Variants in MAN1A1 observed in about 807,000 individuals in gnomAD.
The protein encoded by MAN1A1 is mannosyl-oligosaccharide 1,2-alpha-mannosidase IA.
Under a neutral mutation model 70.8 loss-of-function variants are expected in MAN1A1, and 29 were observed. The observed-to-expected ratio is 0.41, with a 90% confidence interval of 0.31 to 0.56. The LOEUF (loss-of-function observed/expected upper bound fraction) is 0.56, where lower values mean the gene tolerates loss of function less well. Among genes scored for constraint, MAN1A1 ranks in the 20% least tolerant of loss-of-function variants. The pLI is 0.29. For missense variants in MAN1A1, 747 were observed against 841.3 expected, an observed-to-expected ratio of 0.89 and a Z score of 1.39; for synonymous variants, 349 against 330.1, an observed-to-expected ratio of 1.06 and a Z score of -0.62.
At chr6:119,303,571 C>A (rs1461676228) in intron 3 of MAN1A1, among the ~76,000 whole-genome samples, 1 of 152,170 alleles carries the variant, frequency 6.6e-6, no homozygotes, top group Non-Finnish European at 1.5e-5. Flanking sequence ...CTATGCACTC[C>A]TTCACCCCAT....
At chr6:119,205,952 G>A (rs760523281) in intron 6 of MAN1A1, among the ~76,000 whole-genome samples, 1 of 152,214 alleles carries the variant, frequency 6.6e-6, no homozygotes, top group Non-Finnish European at 1.5e-5. Flanking sequence ...AATCACACAT[G>A]ATGAATGCCG....
chr6:119,240,724 G>A lies in MAN1A1; in HGVS notation c.992+7536C>T, dbSNP rs144668920. ...ATCCTTTGTTCAGACTTCCTTGTCCGTAATGTCTCCATAAAGGTGGCTATA... is the reference window on the plus strand; with the variant it reads ...ATCCTTTGTTCAGACTTCCTTGTCCATAATGTCTCCATAAAGGTGGCTATA... On this transcript the variant is annotated intron_variant, in intron 6 of 12. Transcript: ENST00000368468. Among the ~76,000 whole-genome samples, 535 of 152,296 alleles carry A rather than the reference G, an allele frequency of 3.5e-3. 3 individuals carry two copies. The highest frequency in any genetic ancestry group is 0.012 in the African/African-American group (509 of 41,564).
intron 3 of MAN1A1, among the ~76,000 whole-genome samples, chr6:119,306,258 G>C (rs995731084): frequency 6.6e-6 from 1 of 152,164 alleles, no homozygotes; most frequent in African/African-American, 2.4e-5. Flanking sequence ...GGGCAGCTCT[G>C]TGACCCAAAG....
chr6:119,334,099 A>G (rs1773390229), intron 2 of MAN1A1, among the ~76,000 whole-genome samples: 1 of 152,200 alleles, frequency 6.6e-6, no homozygotes, highest in Non-Finnish European at 1.5e-5. Flanking sequence ...TTCAATTTAT[A>G]AAATTACAAT....
At chr6:119,240,734 C>T (rs1253735459) in intron 6 of MAN1A1, among the ~76,000 whole-genome samples, 1 of 152,166 alleles carries the variant, frequency 6.6e-6, no homozygotes, top group African/African-American at 2.4e-5. Context: ...GTAATGTCTC[C>T]ATAAAGGTGG....
intron 7 of MAN1A1, among the ~76,000 whole-genome samples, chr6:119,203,375 G>T (rs1427662865): frequency 6.6e-6 from 1 of 152,094 alleles, no homozygotes; most frequent in African/African-American, 2.4e-5. Flanking sequence ...CAAAGGCCCT[G>T]AGGAGACAGC....
chr6:119,336,666 C>T (rs1426175519), intron 2 of MAN1A1, among the ~76,000 whole-genome samples: 1 of 152,214 alleles, frequency 6.6e-6, no homozygotes. Context: ...CAAAATATCA[C>T]ACCTTCTTAG....
intron 6 of MAN1A1, among the ~76,000 whole-genome samples, chr6:119,211,231 T>C (rs965894794): frequency 1.3e-5 from 2 of 152,226 alleles, no homozygotes; most frequent in African/African-American, 4.8e-5. Flanking sequence ...TTTCCATCTC[T>C]GTCTTTCATT....
chr6:119,234,390 T>C lies in MAN1A1; in HGVS notation c.992+13870A>G, dbSNP rs557037359. On this transcript the variant is annotated intron_variant, in intron 6 of 12. Coordinates refer to ENST00000368468, the MANE Select transcript of MAN1A1 (RefSeq NM_005907.4). ...AATTGTGTTTGTATATGTGTGTGTG[T>C]ATGTATGCAAAATAAACATTAAAAA... Among the ~76,000 whole-genome samples, 203 of 152,282 alleles carry C rather than the reference T, an allele frequency of 1.3e-3. 7 individuals carry two copies. The South Asian group carries it at 0.039, about 29-fold the overall frequency.
At chr6:119,210,216 G>T (rs1432795287) in intron 6 of MAN1A1, among the ~76,000 whole-genome samples, 1 of 152,162 alleles carries the variant, frequency 6.6e-6, no homozygotes, top group East Asian at 1.9e-4. Context: ...GTTCAAAGAT[G>T]CCACATTTCT....
chr6:119,198,353 G>A (rs187366784), intron 8 of MAN1A1, among the ~76,000 whole-genome samples: 1 of 152,272 alleles, frequency 6.6e-6, no homozygotes, highest in East Asian at 1.9e-4. Flanking sequence ...CTGTGCCACT[G>A]CACTCCAGCC....
intron 4 of MAN1A1, among the ~76,000 whole-genome samples, chr6:119,299,388 T>C (rs1772320478): frequency 6.8e-6 from 1 of 147,612 alleles, no homozygotes; most frequent in Non-Finnish European, 1.5e-5. Flanking sequence ...ACCTCTTATA[T>C]TAAGAAAATA....
At chr6:119,210,767 ATG>A (rs1300304441) in intron 6 of MAN1A1, 2 of 213,378 alleles carry the variant, frequency 9.4e-6, no homozygotes, top group African/African-American at 4.7e-5. Flanking sequence ...CAGCTGGAAG[ATG>A]TCAGTTTAAT....
At chr6:119,324,700 C>A (rs1024250608) in intron 2 of MAN1A1, among the ~76,000 whole-genome samples, 2 of 152,170 alleles carry the variant, frequency 1.3e-5, no homozygotes, top group Non-Finnish European at 2.9e-5. Context: ...GAACTCAGAG[C>A]CCTATGGCTC....
intron 2 of MAN1A1, among the ~76,000 whole-genome samples, chr6:119,314,758 T>C (rs1772806353): frequency 6.6e-6 from 1 of 152,198 alleles, no homozygotes; most frequent in Non-Finnish European, 1.5e-5. Context: ...GACTGGGAGC[T>C]GGCTCAACTG....
intron 5 of MAN1A1, among the ~76,000 whole-genome samples, chr6:119,264,578 T>C (rs1775697428): frequency 6.6e-6 from 1 of 152,198 alleles, no homozygotes; most frequent in Non-Finnish European, 1.5e-5. Context: ...TTGTTTTTTA[T>C]GTGCTTGCGG....
chr6:119,258,030 A>G (rs1408111600), intron 5 of MAN1A1, among the ~76,000 whole-genome samples: 1 of 152,164 alleles, frequency 6.6e-6, no homozygotes, highest in Non-Finnish European at 1.5e-5. Flanking sequence ...AAAGGAAGAC[A>G]TATTTTAAAA....
Position 119,349,294 on chromosome 6 carries a change from G to C in MAN1A1, c.-222-7C>G. 1 of 1,203,390 alleles carries C rather than the reference G, an allele frequency of 8.3e-7. No individual in the cohort carries two copies. Among genetic ancestry groups the C allele is most frequent in the Non-Finnish European group, 1.0e-6 (1 of 970,016 alleles). 74.5% of individuals were successfully genotyped at this position (1,203,390 alleles called of 1,614,324 possible). ...AGACCGCTGGCTGCAGCCCCTGCGG[G>C]GAGAGAAACAGTAAAACGTAGTAAT... On this transcript the variant is annotated splice_region_variant and splice_polypyrimidine_tract_variant and intron_variant, in intron 1 of 12. Transcript: ENST00000368468.
chr6:119,234,217 C>T (rs1774774499), intron 6 of MAN1A1, among the ~76,000 whole-genome samples: 1 of 152,106 alleles, frequency 6.6e-6, no homozygotes, highest in Admixed American at 6.5e-5. Context: ...GAAAAGATTA[C>T]TTGGAAACTA....
Sources: gnomAD v4.1 joint callset for allele counts (sites outside exome capture counted in the v4.1 genomes callset) on GRCh38, gnomAD v4.1.1 for gene constraint, MANE v1.5 for transcripts, NCBI Gene and HGNC (gene_info 2026-07-23, HGNC 2026-07-21) for gene names.